The following PRDM16 variants were observed in gnomAD, a reference collection of about 807,000 sequenced individuals.
The protein encoded by PRDM16 is PR/SET domain 16.
PRDM16 carries 23 observed loss-of-function variants against 110.6 expected under a neutral mutation model. The observed-to-expected ratio is 0.21, with a 90% confidence interval of 0.15 to 0.29. PRDM16 has a LOEUF of 0.29. PRDM16 is among the 10% of genes least tolerant of loss of function. The pLI, the probability that PRDM16 is intolerant of heterozygous loss-of-function variation, is 1.00. For missense variants in PRDM16, 1,615 were observed against 1,794.3 expected (o/e 0.90, Z 1.81); for synonymous variants, 799 against 781.8 (o/e 1.02, Z -0.37).
Position 3,069,218 on chromosome 1 carries a change from C to T in PRDM16, c.-42C>T. The T allele has an allele frequency of 6.4e-7, 1 of 1,571,614 alleles. No homozygotes were observed. Among genetic ancestry groups the T allele is most frequent in the Non-Finnish European group, 8.7e-7 (1 of 1,155,238 alleles). ...AGATGAAGATAGTGTGTGGCTGCTT[C>T]TGGACTCAAGGAGGAGGAGAGAGAT... On this transcript the variant is annotated 5_prime_UTR_variant, in exon 1 of 17. Coordinates refer to ENST00000270722, the MANE Select transcript of PRDM16 (RefSeq NM_022114.4). This position sits in a 1 kb window ranked among gnomAD's most constrained non-coding sequence, Gnocchi z 6.1.
chr1:3,113,646 G>A (rs529525808), intron 1 of PRDM16, among the ~76,000 whole-genome samples: 70 of 152,348 alleles, frequency 4.6e-4, no homozygotes, highest in African/African-American at 1.6e-3. Flanking sequence ...ACTGCAGGGC[G>A]CTGAGCAGCA....
chr1:3,349,391 C>A (rs1642432633), intron 3 of PRDM16, among the ~76,000 whole-genome samples: 1 of 152,226 alleles, frequency 6.6e-6, no homozygotes, highest in Non-Finnish European at 1.5e-5. Context: ...GAAGCTGCTG[C>A]CCCGATAACC....
At chr1:3,186,744 T>G (rs1457169733) in intron 2 of PRDM16, among the ~76,000 whole-genome samples, 1 of 152,108 alleles carries the variant, frequency 6.6e-6, no homozygotes, top group Non-Finnish European at 1.5e-5. Flanking sequence ...TCTTAAAACA[T>G]CCCGTGCTTC....
intron 2 of PRDM16, among the ~76,000 whole-genome samples, chr1:3,229,933 T>C (rs10157420): frequency 0.15 from 22,127 of 152,154 alleles, 2,223 homozygotes; most frequent in African/African-American, 0.28. Flanking sequence ...GGAAAGATGG[T>C]GCAAAATAAA....
rs1644078552 is a variant in PRDM16 at position 3,175,817 on chromosome 1, G to T, written c.38-10308G>T. Among the ~76,000 whole-genome samples the T allele has an allele frequency of 6.6e-6, 1 of 152,168 alleles. No individual in the cohort carries two copies. The highest frequency in any genetic ancestry group is 2.4e-5 in the African/African-American group (1 of 41,432). On this transcript the variant is annotated intron_variant, in intron 1 of 16. Transcript: ENST00000270722. The surrounding 1 kb of genome is among the most constrained non-coding windows in gnomAD (Gnocchi z 4.8). Reference sequence around the variant, plus strand: ...GTTCCTCTCAGATGAGCCGATCAGGGTCAAGGGCAGAGAGGAGCCAGGGTT... The same window carrying T: ...GTTCCTCTCAGATGAGCCGATCAGGTTCAAGGGCAGAGAGGAGCCAGGGTT...
chr1:3,376,371 C>T (rs1199476561), intron 3 of PRDM16, among the ~76,000 whole-genome samples: 8 of 152,220 alleles, frequency 5.3e-5, no homozygotes, highest in African/African-American at 9.6e-5. Flanking sequence ...GTGGACTCCA[C>T]GTGTCCCGGG....
intron 1 of PRDM16, among the ~76,000 whole-genome samples, chr1:3,078,613 C>G (rs980432074): frequency 3.3e-5 from 5 of 152,238 alleles, no homozygotes; most frequent in African/African-American, 1.2e-4. Flanking sequence ...CTGCTGTGAG[C>G]CTCTGCCTCT....
At position 3,069,956 on chromosome 1, in the gene PRDM16, C is replaced by T. The variant is rs1195418182; in HGVS notation, c.37+660C>T. On this transcript the variant is annotated intron_variant, in intron 1 of 16. Transcript: ENST00000270722. The surrounding 1 kb of genome is among the most constrained non-coding windows in gnomAD (Gnocchi z 6.1). Reference sequence around the variant, plus strand: ...GGGGAGCAAAATGGAGACTTTTGCCCGGGCTGGGAACTGTGGTCGTGAAGT... The same window carrying T: ...GGGGAGCAAAATGGAGACTTTTGCCTGGGCTGGGAACTGTGGTCGTGAAGT... Among the ~76,000 whole-genome samples the T allele has an allele frequency of 1.3e-5, 2 of 151,946 alleles. No homozygotes were observed. Among genetic ancestry groups the T allele is most frequent in the Admixed American group, 6.5e-5 (1 of 15,272 alleles).
chr1:3,197,816 C>A (rs113999250), intron 2 of PRDM16, among the ~76,000 whole-genome samples: 1 of 152,088 alleles, frequency 6.6e-6, no homozygotes, highest in Non-Finnish European at 1.5e-5. Flanking sequence ...AGGTCCCACG[C>A]GTTCCAGGCC....
At chr1:3,241,133 G>C (rs774595301) in intron 2 of PRDM16, among the ~76,000 whole-genome samples, 33 of 152,258 alleles carry the variant, frequency 2.2e-4, no homozygotes, top group Admixed American at 4.6e-4. Context: ...GGGTGAAGGG[G>C]CGGAGTCCGT....
intron 1 of PRDM16, among the ~76,000 whole-genome samples, chr1:3,116,077 C>A (rs565725424): frequency 2.4e-4 from 36 of 152,306 alleles, no homozygotes; most frequent in Non-Finnish European, 5.0e-4. Context: ...CGGAGCCCCT[C>A]ACACGGCAGG....
chr1:3,219,016 T>C (rs1013836450), intron 2 of PRDM16, among the ~76,000 whole-genome samples: 2 of 152,186 alleles, frequency 1.3e-5, no homozygotes, highest in Non-Finnish European at 2.9e-5. Flanking sequence ...TCGCGTCCAG[T>C]GCCGGGCTGA....
At chr1:3,297,280 ATTTTTTTTTT>A (rs34666813) in intron 3 of PRDM16, among the ~76,000 whole-genome samples, 2 of 120,986 alleles carry the variant, frequency 1.7e-5, no homozygotes, top group African/African-American at 6.3e-5. Flanking sequence ...GGTGAGAGGA[ATTTTTTTTTT>A]TTTTTTTTTT....
chr1:3,225,579 C>CGT (rs1553149428), intron 2 of PRDM16, among the ~76,000 whole-genome samples: 1,695 of 146,678 alleles, frequency 0.012, 39 homozygotes, highest in African/African-American at 0.042. Context: ...TGTGTGCGCG[C>CGT]GCGCAGAAGG....
intron 3 of PRDM16, among the ~76,000 whole-genome samples, chr1:3,294,573 T>C (rs2100368284): frequency 6.6e-6 from 1 of 151,620 alleles, no homozygotes; most frequent in African/African-American, 2.4e-5. Flanking sequence ...GTCCCCTTCC[T>C]CCTCCCCCCA....
intron 3 of PRDM16, among the ~76,000 whole-genome samples, chr1:3,338,516 G>A (rs1642207035): frequency 6.6e-6 from 1 of 152,248 alleles, no homozygotes; most frequent in South Asian, 2.1e-4. Flanking sequence ...TCCAAGTGGG[G>A]ACGGGGTGCC....
chr1:3,398,788 T>C (rs1355747723), intron 5 of PRDM16, among the ~76,000 whole-genome samples: 1 of 152,252 alleles, frequency 6.6e-6, no homozygotes, highest in East Asian at 1.9e-4. Context: ...AGGTGGATGC[T>C]GTACCGCGGC....
chr1:3,319,147 C>T (rs1455635292), intron 3 of PRDM16, among the ~76,000 whole-genome samples: 2 of 152,160 alleles, frequency 1.3e-5, no homozygotes, highest in Non-Finnish European at 1.5e-5. Flanking sequence ...GTGGGGACTG[C>T]TGAGGCTGGA....
rs1445530744 is a variant in PRDM16 at position 3,353,148 on chromosome 1, G to A, written c.439-32004G>A. Among the ~76,000 whole-genome samples, 4 of 152,222 alleles carry A rather than the reference G, an allele frequency of 2.6e-5. No homozygotes were observed. The highest frequency in any genetic ancestry group is 6.5e-5 in the Admixed American group (1 of 15,292). On this transcript the variant is annotated intron_variant, in intron 3 of 16. Transcript: ENST00000270722. This position sits in a 1 kb window ranked among gnomAD's most constrained non-coding sequence, Gnocchi z 5.4. ...CCAGCCCAGACTCCCACGCAGGGACGTCCCTCACAGCAGGATTTGCTGCTT... is the reference window on the plus strand; with the variant it reads ...CCAGCCCAGACTCCCACGCAGGGACATCCCTCACAGCAGGATTTGCTGCTT...
Sources: gnomAD v4.1 joint callset for allele counts (sites outside exome capture counted in the v4.1 genomes callset) on GRCh38, gnomAD v4.1.1 for gene constraint, Gnocchi (gnomAD v3.1) non-coding constraint, MANE v1.5 for transcripts, NCBI Gene and HGNC (gene_info 2026-07-23, HGNC 2026-07-21) for gene names.